CLTRN: variants seen among roughly 807,000 people sequenced by gnomAD.
CLTRN encodes collectrin.
Under a neutral mutation model 14.5 loss-of-function variants are expected in CLTRN, and 12 were observed. The observed-to-expected ratio is 0.83, with a 90% confidence interval of 0.53 to 1.34. CLTRN has a LOEUF of 1.34. CLTRN is among the 40% of genes most tolerant of loss of function. The pLI is 0.00. For missense variants in CLTRN, 154 were observed against 165.1 expected (o/e 0.93, Z 0.37); for synonymous variants, 58 against 56.5 (o/e 1.03, Z -0.12).
chrX:15,636,039 C>T (rs949379061), intron 5 of CLTRN, among the ~76,000 whole-genome samples: 6 of 111,587 alleles, frequency 5.4e-5, no homozygotes, highest in Non-Finnish European at 9.4e-5. Flanking sequence ...ATCAAAAAGA[C>T]GAAACATAGC....
chrX:15,654,076 C>A (rs1929290607), intron 3 of CLTRN, among the ~76,000 whole-genome samples: 1 of 112,252 alleles, frequency 8.9e-6, no homozygotes, highest in South Asian at 3.7e-4. Context: ...ACAGGGCCAA[C>A]TGCCTCCAAA....
chrX:15,666,073 T>G (rs1371302218), upstream of CLTRN, among the ~76,000 whole-genome samples: 1 of 111,604 alleles, frequency 9.0e-6, no homozygotes, highest in East Asian at 2.8e-4. Context: ...CAGACACAGG[T>G]ACCTACTTGA....
chrX:15,671,483 T>C (rs1231805527), intron 1 of CLTRN, among the ~76,000 whole-genome samples: 1 of 111,747 alleles, frequency 8.9e-6, no homozygotes, highest in African/African-American at 3.3e-5. Flanking sequence ...TCAGTGTAGA[T>C]GCATCTGAAA....
chrX:15,634,971 G>T (rs1928785769), intron 5 of CLTRN, among the ~76,000 whole-genome samples: 1 of 102,832 alleles, frequency 9.7e-6, no homozygotes, highest in East Asian at 3.4e-4. Flanking sequence ...ATAAATAAAA[G>T]AAAAAAAATC....
intron 5 of CLTRN, among the ~76,000 whole-genome samples, chrX:15,637,416 A>G (rs1928843688): frequency 8.9e-6 from 1 of 111,774 alleles, no homozygotes; most frequent in Non-Finnish European, 1.9e-5. Context: ...AAAACACAAC[A>G]AACAATTTAT....
At chrX:15,671,099 T>C (rs1454692138) in intron 1 of CLTRN, among the ~76,000 whole-genome samples, 3 of 111,493 alleles carry the variant, frequency 2.7e-5, no homozygotes, top group Non-Finnish European at 5.6e-5. Context: ...AATGCAAAAA[T>C]GAACCAAATA....
chrX:15,667,315 G>C (rs770447316), upstream of CLTRN, among the ~76,000 whole-genome samples: 39 of 112,425 alleles, frequency 3.5e-4, no homozygotes, highest in African/African-American at 1.1e-3. Context: ...CTTCATAAAA[G>C]TATCAAGTGG....
intron 3 of CLTRN, among the ~76,000 whole-genome samples, 172 bp downstream of exon 3, chrX:15,658,844 T>C (rs1461290097): frequency 9.0e-6 from 1 of 110,783 alleles, no homozygotes; most frequent in African/African-American, 3.3e-5. Context: ...TGGAACATGA[T>C]ATAAACTGTA....
intron 1 of CLTRN, among the ~76,000 whole-genome samples, chrX:15,673,094 C>A (rs182270561): frequency 1.8e-5 from 2 of 112,297 alleles, no homozygotes; most frequent in Non-Finnish European, 3.8e-5. Flanking sequence ...TTATTTCCCA[C>A]GTAGCTCACA....
upstream of CLTRN, chrX:15,665,053 A>C (rs1433972700): frequency 3.1e-6 from 1 of 320,226 alleles, no homozygotes; most frequent in Non-Finnish European, 5.5e-6. Flanking sequence ...TGCTGACTCA[A>C]AGTTGGAATC....
intron 3 of CLTRN, among the ~76,000 whole-genome samples, chrX:15,657,351 T>C (rs1210386984): frequency 8.9e-6 from 1 of 112,421 alleles, no homozygotes; most frequent in Non-Finnish European, 1.9e-5. Context: ...GGATCAGATA[T>C]TCATAGACTC....
chrX:15,632,878 T>C (rs188218353), intron 5 of CLTRN, among the ~76,000 whole-genome samples: 1,760 of 60,398 alleles, frequency 0.029, 60 homozygotes, highest in African/African-American at 0.11. Context: ...AGCAAGACTC[T>C]GTCTCAAAAA....
At chrX:15,669,881 T>A (rs1347675169) in intron 1 of CLTRN, among the ~76,000 whole-genome samples, 1 of 112,481 alleles carries the variant, frequency 8.9e-6, no homozygotes, top group Non-Finnish European at 1.9e-5. Flanking sequence ...TATATTTTTA[T>A]TGGATTTTCA....
At chrX:15,671,921 T>C (rs1303783850) in intron 1 of CLTRN, among the ~76,000 whole-genome samples, 1 of 109,764 alleles carries the variant, frequency 9.1e-6, no homozygotes, top group Non-Finnish European at 1.9e-5. Context: ...AACTCTATAA[T>C]GTGGAATATT....
chrX:15,655,918 T>C (rs925550370), intron 3 of CLTRN, among the ~76,000 whole-genome samples: 25 of 111,714 alleles, frequency 2.2e-4, no homozygotes, highest in African/African-American at 8.2e-4. Flanking sequence ...AACAAGAATA[T>C]CACTCCAACA....
intron 3 of CLTRN, among the ~76,000 whole-genome samples, chrX:15,657,708 G>T (rs752396028): frequency 1.7e-4 from 19 of 110,366 alleles, no homozygotes; most frequent in South Asian, 8.0e-4. Context: ...ATAAATAGTT[G>T]TGAAAGAATG....
chrX:15,644,098 C>T (rs761367684), intron 4 of CLTRN, among the ~76,000 whole-genome samples: 23 of 111,707 alleles, frequency 2.1e-4, no homozygotes, highest in Middle Eastern at 4.6e-3. Flanking sequence ...GAGTTTCTTA[C>T]GATCATAAGG....
chrX:15,673,869 T>C (rs1047055538), intron 1 of CLTRN, among the ~76,000 whole-genome samples: 15 of 112,452 alleles, frequency 1.3e-4, no homozygotes, highest in African/African-American at 4.5e-4. Flanking sequence ...TGAGAATTTA[T>C]TGTGAAGGGA....
intron 4 of CLTRN, among the ~76,000 whole-genome samples, chrX:15,641,676 G>GTA (rs2147200507): frequency 9.2e-6 from 1 of 108,542 alleles, no homozygotes; most frequent in Admixed American, 1.0e-4. Flanking sequence ...GTGTGTGTGT[G>GTA]TAAACAGGGT....
Sources: allele counts gnomAD v4.1 joint callset (sites outside exome capture counted in the v4.1 genomes callset), GRCh38; gene constraint gnomAD v4.1.1; transcripts MANE v1.5; gene names NCBI Gene and HGNC (gene_info 2026-07-23, HGNC 2026-07-21).